Variants in UBR3 observed in about 807,000 individuals in gnomAD.
The protein encoded by UBR3 is ubiquitin protein ligase E3 component n-recognin 3, also known as E3 ubiquitin-protein ligase UBR3.
In UBR3, 85 loss-of-function variants were observed where a neutral mutation model predicts 243.2. That is an observed-to-expected ratio of 0.35 (90% CI 0.29 to 0.42). The LOEUF (loss-of-function observed/expected upper bound fraction) is 0.42. UBR3 is among the 10% of genes least tolerant of loss of function. The probability of loss-of-function intolerance (pLI) is 1.00; values close to 1 mark genes in which losing one functional copy is unlikely to be tolerated. For synonymous variants in UBR3, 748 were observed against 799.8 expected (o/e 0.94, Z 1.09); for missense variants, 1,686 against 2,300.8 (o/e 0.73, Z 5.47).
chr2:169,953,928 T>C (rs1170184084), intron 23 of UBR3, among the ~76,000 whole-genome samples: 1 of 152,210 alleles, frequency 6.6e-6, no homozygotes, highest in Non-Finnish European at 1.5e-5. Flanking sequence ...TCACTTAGAG[T>C]GCTTTGAGCA....
rs2303555 is a variant in UBR3 at position 169,827,714 on chromosome 2, C to T, written c.207C>T (p.Ala69=). ...LSAERPLAAA[A]GGEDAAAAGG... ...CCGAGCGGCCGCTGGCCGCGGCTGC[C>T]GGCGGCGAGGACGCGGCGGCGGCCG... The change falls in exon 1 of 39, where the codon GCC becomes GCT. Residue 69 remains alanine, a synonymous_variant. Transcript: ENST00000272793. 695,593 of 1,225,206 alleles carry T rather than the reference C, an allele frequency of 0.57. 203,057 individuals are homozygous for T. The highest frequency in any genetic ancestry group is 0.6 in the Non-Finnish European group (590,813 of 986,586). 75.9% of individuals were successfully genotyped at this position (1,225,206 alleles called of 1,614,324 possible).
At chr2:169,942,686 A>C in intron 20 of UBR3, 52 bp downstream of exon 20, 1 of 1,430,210 alleles carries the variant, frequency 7.0e-7, no homozygotes, top group South Asian at 1.5e-5. Context: ...ATTTTCAAAT[A>C]ATAATCCTAA....
rs1475776277 is a variant in UBR3, at chr2:169,890,567, G to GTGTATATATATATGTATATATATATGTA, written c.1039-597_1039-596insGTATATATATATGTATATATATATGTAT. ...TATATATATATATATATATATATGT[G>GTGTATATATATATGTATATATATATGTA]TATATATATATATGTATATATATAT... is the stretch of plus-strand genomic sequence containing the variant. On this transcript the variant is annotated intron_variant, in intron 5 of 38. Transcript: ENST00000272793. 1.4e-3 allele frequency among the ~76,000 whole-genome samples: 86 copies of GTGTATATATATATGTATATATATATGTA among 59,482 alleles called. 2 individuals carry two copies. Among genetic ancestry groups the GTGTATATATATATGTATATATATATGTA allele is most frequent in the Non-Finnish European group, 2.1e-3 (66 of 31,536 alleles). 39.0% of individuals were successfully genotyped at this position (59,482 alleles called of 152,430 possible). A position where few individuals can be genotyped will look rare whatever the true frequency, so the allele number is the denominator to read the frequency against.
At chr2:169,943,693 T>G (rs1054741831) in intron 20 of UBR3, among the ~76,000 whole-genome samples, 16 of 152,036 alleles carry the variant, frequency 1.1e-4, no homozygotes, top group African/African-American at 3.9e-4. Context: ...TGCAGGTAGA[T>G]ACAAAGAAAA....
chr2:170,031,955 T>G (rs893189871), intron 31 of UBR3, among the ~76,000 whole-genome samples: 13 of 152,180 alleles, frequency 8.5e-5, no homozygotes, highest in Admixed American at 5.9e-4. Context: ...TCCGTGTCTT[T>G]GCTGTTGTGA....
intron 32 of UBR3, among the ~76,000 whole-genome samples, chr2:170,054,448 A>AT (rs976343671): frequency 8.6e-5 from 13 of 151,878 alleles, no homozygotes; most frequent in African/African-American, 2.9e-4. Context: ...TGCCTGGCTT[A>AT]TTTTTTGTAT....
rs560266901 is a variant in UBR3 at position 170,024,540 on chromosome 2, A to ATG, written c.4454-4793_4454-4792dup. Reference sequence around the variant, plus strand: ...AATTGGCATAATGGTATCTGTGTGCATGTGTGTGTGTGTGGTATTCATACA... The same window carrying ATG: ...AATTGGCATAATGGTATCTGTGTGCATGTGTGTGTGTGTGTGGTATTCATACA... On this transcript the variant is annotated intron_variant, in intron 30 of 38. Coordinates refer to ENST00000272793, the MANE Select transcript of UBR3 (RefSeq NM_172070.4). 2.5e-3 allele frequency among the ~76,000 whole-genome samples: 386 copies of ATG among 151,428 alleles called. 2 individuals carry two copies. Among genetic ancestry groups the ATG allele is most frequent in the African/African-American group, 8.9e-3 (369 of 41,370 alleles).
At chr2:169,977,467 C>T (rs1353129949) in intron 24 of UBR3, among the ~76,000 whole-genome samples, 2 of 152,138 alleles carry the variant, frequency 1.3e-5, no homozygotes, top group Non-Finnish European at 2.9e-5. Context: ...GCTGACAGTA[C>T]AGTACCCGGT....
chr2:169,842,240 C>G (rs537433896), intron 1 of UBR3, among the ~76,000 whole-genome samples: 225 of 152,178 alleles, frequency 1.5e-3, no homozygotes, highest in African/African-American at 5.1e-3. Context: ...TCTAGCTGCT[C>G]TCGTGGGGCC....
chr2:169,912,214 C>T (rs975669415), intron 10 of UBR3, among the ~76,000 whole-genome samples: 24 of 120,200 alleles, frequency 2.0e-4, no homozygotes, highest in South Asian at 1.0e-3. Context: ...CTGTTTTTAA[C>T]TTAAAAAAGG....
chr2:169,905,804 A>G (rs2084990384), intron 9 of UBR3, among the ~76,000 whole-genome samples: 1 of 152,254 alleles, frequency 6.6e-6, no homozygotes, highest in Non-Finnish European at 1.5e-5. Flanking sequence ...TATTCAGTTT[A>G]TTACATGAGA....
intron 1 of UBR3, among the ~76,000 whole-genome samples, chr2:169,832,660 C>T (rs1357211676): frequency 6.6e-6 from 1 of 151,822 alleles, no homozygotes; most frequent in Admixed American, 6.6e-5. Flanking sequence ...GGGGGCCGGG[C>T]GTGGTGGCTC....
At chr2:169,890,534 G>GATATATATAT (rs1329333538) in intron 5 of UBR3, among the ~76,000 whole-genome samples, 13 of 17,452 alleles carry the variant, frequency 7.4e-4, no homozygotes, top group African/African-American at 2.1e-3. Context: ...AGGAGAGAGA[G>GATATATATAT]AGAGAGATAT....
Position 169,893,042 on chromosome 2 carries a change from ATTTAAAGATAGTCAAACATAACT to A in UBR3, c.1105+1812_1105+1834del, listed in dbSNP as rs1472494826. On this transcript the variant is annotated intron_variant, in intron 6 of 38. Coordinates refer to ENST00000272793, the MANE Select transcript of UBR3 (RefSeq NM_172070.4). ...ACACATTGTTAAAAGTCATGTCAAG[ATTTAAAGATAGTCAAACATAACT>A]AATGGAAGCATTTCTGACTACATTT... 3.3e-5 allele frequency among the ~76,000 whole-genome samples: 5 copies of A among 152,330 alleles called. No homozygotes were observed. In the South Asian group the frequency reaches 8.3e-4, roughly 25 times the overall value.
chr2:169,862,359 G>A (rs887817212), intron 1 of UBR3, among the ~76,000 whole-genome samples: 2 of 152,012 alleles, frequency 1.3e-5, no homozygotes, highest in Admixed American at 6.6e-5. Flanking sequence ...TCCTATTAGC[G>A]ATGTAGAAAT....
chr2:169,831,092 C>G (rs1451892350), intron 1 of UBR3, among the ~76,000 whole-genome samples: 1 of 123,726 alleles, frequency 8.1e-6, no homozygotes, highest in African/African-American at 3.0e-5. Context: ...TGGCAACCCT[C>G]TATGAGTTGG....
chr2:169,992,447 C>T (rs1487182542), intron 25 of UBR3, among the ~76,000 whole-genome samples: 2 of 152,136 alleles, frequency 1.3e-5, no homozygotes, highest in Non-Finnish European at 2.9e-5. Context: ...GCCAGATAAA[C>T]ACAGGAAAAC....
intron 1 of UBR3, among the ~76,000 whole-genome samples, chr2:169,866,868 G>C (rs920068100): frequency 6.6e-6 from 1 of 152,196 alleles, no homozygotes; most frequent in African/African-American, 2.4e-5. Flanking sequence ...GTAATCTGCT[G>C]ACCTAACAAT....
chr2:169,867,296 T>C (rs2083293082), intron 1 of UBR3, among the ~76,000 whole-genome samples: 1 of 152,198 alleles, frequency 6.6e-6, no homozygotes, highest in African/African-American at 2.4e-5. Context: ...ATAGAAGAGA[T>C]TAAATGTATA....
Sources: gnomAD v4.1 joint callset for allele counts (sites outside exome capture counted in the v4.1 genomes callset) on GRCh38, gnomAD v4.1.1 for gene constraint, MANE v1.5 for transcripts, NCBI Gene and HGNC (gene_info 2026-07-23, HGNC 2026-07-21) for gene names.